Variants in STRC observed in about 807,000 individuals in gnomAD.
STRC encodes stereocilin.
In STRC, 43 loss-of-function variants were observed where a neutral mutation model predicts 103.5. The observed-to-expected ratio is 0.42, with a 90% CI of 0.33 to 0.54. The LOEUF (loss-of-function observed/expected upper bound fraction) is 0.54, where lower values mean the gene tolerates loss of function less well. Ranked by LOEUF, STRC falls within the 20% of genes least tolerant of loss-of-function variation. The probability of loss-of-function intolerance (pLI) is 0.14; values close to 1 mark genes in which losing one functional copy is unlikely to be tolerated. For missense variants in STRC, 499 were observed against 1,088.5 expected (o/e 0.46, Z 7.62); for synonymous variants, 186 against 442.3 (o/e 0.42, Z 7.27).
At position 43,601,388 on chromosome 15, in the gene STRC, A is replaced by G; in HGVS notation, c.4701+8T>C. 6 of 1,612,968 alleles carry G rather than the reference A, an allele frequency of 3.7e-6. No individual in the cohort carries two copies. Among genetic ancestry groups the G allele is most frequent in the Non-Finnish European group, 5.1e-6 (6 of 1,179,816 alleles). On this transcript the variant is annotated splice_region_variant and intron_variant, in intron 24 of 28. Coordinates refer to ENST00000450892, the MANE Select transcript of STRC (RefSeq NM_153700.2). ...TTGGGAAGCCGTAGGGAGGAGGAAA[A>G]GTGTTACCTGAGTGGTGCTCCAGCC... is the stretch of plus-strand genomic sequence containing the variant.
At position 43,601,403 on chromosome 15, in the gene STRC, G is replaced by A. The variant is rs2085667286; in HGVS notation, c.4694C>T (p.Thr1565Ile). 3 of 1,613,276 alleles carry A rather than the reference G, an allele frequency of 1.9e-6. No homozygotes were observed. The South Asian group carries it at 3.3e-5, about 18-fold the overall frequency. ...GAGGAGGAAAAGTGTTACCTGAGTG[G>A]TGCTCCAGCCATCTATCTGCCCCAG... is the stretch of plus-strand genomic sequence containing the variant. ...STLGQIDGWSTTQLRIVVSSF... is the reference protein window; with the variant it reads ...STLGQIDGWSITQLRIVVSSF... Residue 1565 changes from threonine (T) to isoleucine (I), a missense_variant, in exon 24 of 29, where the codon ACC (threonine) becomes ATC (isoleucine). By Grantham distance (89) the Thr-to-Ile change is moderately conservative. Coordinates refer to ENST00000450892, the MANE Select transcript of STRC (RefSeq NM_153700.2).
At position 43,601,479 on chromosome 15, in the gene STRC, C is replaced by T; in HGVS notation, c.4618G>A (p.Asp1540Asn). 1 of 1,613,816 alleles carries T rather than the reference C, an allele frequency of 6.2e-7. No individual in the cohort carries two copies. Among genetic ancestry groups the T allele is most frequent in the Non-Finnish European group, 8.5e-7 (1 of 1,179,874 alleles). Residue 1540 changes from aspartate (D) to asparagine (N), a missense_variant, in exon 24 of 29, where the codon GAT becomes AAT. Transcript: ENST00000450892. ...AGGATCAGCTCCTGTAGTTCCCGAT[C>T]TCCTAGACCTATTAAGAGCCTACCA... The part of the protein sequence containing the change: ...QLGRLLIGLG[D>N]RELQELILVD...
chr15:43,601,979 G>T (rs1430869973), intron 23 of STRC, among the ~76,000 whole-genome samples: 1 of 151,528 alleles, frequency 6.6e-6, no homozygotes, highest in Non-Finnish European at 1.5e-5. Flanking sequence ...AATTAGCCAG[G>T]TGTGGTGCAC....
Position 43,600,700 on chromosome 15 carries a change from G to A in STRC, c.4845-18C>T, listed in dbSNP as rs1263576623. 6 of 1,612,832 alleles carry A rather than the reference G, an allele frequency of 3.7e-6. 1 individual carries two copies. Among genetic ancestry groups the A allele is most frequent in the Non-Finnish European group, 1.7e-6 (2 of 1,179,430 alleles). On this transcript the variant is annotated intron_variant, in intron 25 of 28. Transcript: ENST00000450892. ...CTGCTTGGCTGTAGAACAGTAGGAA[G>A]GAAGGAAGAAGAATTCGGCTTCAGT...
At chr15:43,602,403 C>G (rs1317374271) in intron 23 of STRC, 1 of 151,938 alleles carries the variant, frequency 6.6e-6, no homozygotes. Context: ...AGTCTGGTCT[C>G]TAACTCCTGG....
intron 18 of STRC, among the ~76,000 whole-genome samples, chr15:43,605,711 CTG>C (rs894872337): frequency 4.5e-5 from 5 of 111,298 alleles, no homozygotes; most frequent in Admixed American, 9.5e-5. Flanking sequence ...GATTAAAAAA[CTG>C]AGGTTCACAG....
intron 24 of STRC, 83 bp downstream of exon 24, chr15:43,601,313 A>G (rs189735813): frequency 6.3e-7 from 1 of 1,598,336 alleles, no homozygotes; most frequent in African/African-American, 1.3e-5. Flanking sequence ...CAGGAAAAAA[A>G]TTCCTTGGGC....
In STRC at chr15:43,603,978, G is replaced by C. The variant is rs2085693197; in HGVS notation, c.4375+18C>G. ...CCTGTACATCCTGCTGGACATATAA[G>C]TATTTGGGTAGTTTCACCTGGAAGA... On this transcript the variant is annotated intron_variant, in intron 22 of 28. Coordinates refer to ENST00000450892, the MANE Select transcript of STRC (RefSeq NM_153700.2). 1 of 1,612,692 alleles carries C rather than the reference G, an allele frequency of 6.2e-7. No homozygotes were observed. The highest frequency in any genetic ancestry group is 8.5e-7 in the Non-Finnish European group (1 of 1,179,536).
Position 43,601,536 on chromosome 15 carries a change from G to T in STRC, c.4561C>A (p.Arg1521=), listed in dbSNP as rs138763871. The T allele has an allele frequency of 7.4e-6, 12 of 1,611,586 alleles. No individual in the cohort carries two copies. Among genetic ancestry groups the T allele is most frequent in the Non-Finnish European group, 9.3e-6 (11 of 1,178,008 alleles). The change falls in exon 24 of 29, where the codon CGG becomes AGG. Residue 1521 remains arginine (R), a synonymous_variant. Coordinates refer to ENST00000450892, the MANE Select transcript of STRC (RefSeq NM_153700.2). ...GKAKQLWGPP[R]GFRPEQILQL... ...AGGATCTGCTCAGGACGAAATCCCCGGGGGGGACCCCACAACTAGGAGAAA... is the reference window on the plus strand; with the variant it reads ...AGGATCTGCTCAGGACGAAATCCCCTGGGGGGACCCCACAACTAGGAGAAA...
Position 43,604,536 on chromosome 15 carries a change from C to T in STRC, c.4128-85G>A, listed in dbSNP as rs559052939. On this transcript the variant is annotated intron_variant, in intron 20 of 28. Transcript: ENST00000450892. ...GGGAAAAGAGGACATGCTAGGATTT[C>T]GGACACAGGGCTCCAGGGGACCTTA... 9.9e-5 allele frequency: 159 copies of T among 1,607,916 alleles called. 4 individuals carry two copies. The South Asian group carries it at 1.3e-3, about 14-fold the overall frequency.
In STRC at chr15:43,600,011, G is replaced by A. The variant is rs139956283; in HGVS notation, c.5188C>T (p.Arg1730Ter). Reference protein sequence around the residue: ...QMAFLSPEQRRAVAWAQHEGK... With the variant: ...QMAFLSPEQR The stretch of plus-strand genomic sequence containing the variant: ...TCATGTTGGGCCCATGCAACTGCTC[G>A]TCGCTGCTCAGGACTCAGAAAGGCC... The change falls in exon 28 of 29, where the codon CGA (arginine) becomes TGA (stop). Residue 1730 changes from arginine (R) to a stop codon, truncating the protein, a stop_gained. Coordinates refer to ENST00000450892, the MANE Select transcript of STRC (RefSeq NM_153700.2). LOFTEE classifies it high-confidence loss of function. The A allele has an allele frequency of 5.5e-5, 88 of 1,605,464 alleles. No individual in the cohort carries two copies. Among genetic ancestry groups the A allele is most frequent in the Middle Eastern group, 1.6e-4 (1 of 6,064 alleles).
At chr15:43,603,941 C>A (rs1192099896) in intron 22 of STRC, 55 bp downstream of exon 22, 1 of 1,610,550 alleles carries the variant, frequency 6.2e-7, no homozygotes, top group South Asian at 1.1e-5. Flanking sequence ...GAACCCAGAC[C>A]GTTTGATACT....
At chr15:43,603,126 A>C in intron 23 of STRC, 116 bp downstream of exon 23, 2 of 1,133,690 alleles carry the variant, frequency 1.8e-6, no homozygotes, top group South Asian at 1.3e-5. Flanking sequence ...AAATCTTCTA[A>C]CTCTTCTATC....
At chr15:43,610,891 G>A (rs751940470) in intron 14 of STRC, 28 bp downstream of exon 14, 1 of 1,608,780 alleles carries the variant, frequency 6.2e-7, no homozygotes, top group South Asian at 1.1e-5. Context: ...ATGGGGAGAG[G>A]AGCTCAGTTG....
At chr15:43,603,797 G>A (rs1229464997) in intron 22 of STRC, among the ~76,000 whole-genome samples, 199 bp downstream of exon 22, 1 of 151,908 alleles carries the variant, frequency 6.6e-6, no homozygotes, top group Non-Finnish European at 1.5e-5. Context: ...GAAGTTCTGG[G>A]CTAAAAGAAA....
In STRC at chr15:43,609,724, A is replaced by G. The variant is rs1595960871; in HGVS notation, c.3499-390T>C. ...CCACATTTTTGTATTGTCTGTCTCT[A>G]CAAAAAATTTAAAAATTGGCCGGGC... On this transcript the variant is annotated intron_variant, in intron 15 of 28. Transcript: ENST00000450892. 3 of 198,666 alleles carry G rather than the reference A, an allele frequency of 1.5e-5. No homozygotes were observed. In the East Asian group the frequency reaches 3.4e-4, roughly 23 times the overall value. The allele number at this position is 198,666 out of a possible 1,614,324, so 12.3% of individuals were successfully genotyped here. A position where few individuals can be genotyped will look rare whatever the true frequency, so the allele number is the denominator to read the frequency against.
intron 14 of STRC, 129 bp from the exon 15 acceptor site, chr15:43,610,566 T>C (rs1342779537): frequency 7.2e-6 from 3 of 417,248 alleles, no homozygotes. Context: ...CATTTGCCAC[T>C]GTAGCAATAA....
chr15:43,608,398 T>C (rs1271570462), intron 16 of STRC, among the ~76,000 whole-genome samples, 195 bp from the exon 17 acceptor site: 8 of 141,316 alleles, frequency 5.7e-5, no homozygotes, highest in Non-Finnish European at 1.2e-4. Flanking sequence ...TAAGGATTTA[T>C]GGAAGTCAGG....
intron 24 of STRC, 125 bp downstream of exon 24, chr15:43,601,271 C>G: frequency 2.1e-6 from 3 of 1,445,476 alleles, no homozygotes; most frequent in Non-Finnish European, 2.9e-6. Flanking sequence ...GGGGTATCAA[C>G]AAAAGATAGA....
Sources: gnomAD v4.1 joint callset for allele counts (sites outside exome capture counted in the v4.1 genomes callset) on GRCh38, gnomAD v4.1.1 for gene constraint, MANE v1.5 for transcripts, NCBI Gene and HGNC (gene_info 2026-07-23, HGNC 2026-07-21) for gene names.